The following NELL1 variants were observed in gnomAD, a reference collection of about 807,000 sequenced individuals.
NELL1 encodes neural EGFL like 1.
A neutral mutation model predicts 107.4 loss-of-function variants in NELL1; 76 were observed. The ratio of observed to expected loss-of-function variants is 0.71; its 90% CI spans 0.59 to 0.86. The LOEUF (loss-of-function observed/expected upper bound fraction) is 0.86, where lower values mean the gene tolerates loss of function less well. NELL1 is among the 40% of genes least tolerant of loss of function. NELL1 has a pLI of 0.00. For missense variants in NELL1, 1,024 were observed against 1,005.5 expected (o/e 1.02, Z -0.25); for synonymous variants, 353 against 341.2 (o/e 1.03, Z -0.38).
intron 15 of NELL1, among the ~76,000 whole-genome samples, chr11:21,528,630 T>A (rs530790344): frequency 6.6e-6 from 1 of 150,486 alleles, no homozygotes; most frequent in East Asian, 2.0e-4. Flanking sequence ...TAAATCTTTT[T>A]TCTTCATAAA....
intron 4 of NELL1, among the ~76,000 whole-genome samples, chr11:20,875,179 T>C (rs979477178): frequency 1.3e-5 from 2 of 152,220 alleles, no homozygotes; most frequent in Non-Finnish European, 2.9e-5. Context: ...TATTTTATTT[T>C]ATTTTAATTT....
At chr11:21,062,823 T>TA (rs1853774321) in intron 12 of NELL1, among the ~76,000 whole-genome samples, 1 of 152,024 alleles carries the variant, frequency 6.6e-6, no homozygotes, top group Non-Finnish European at 1.5e-5. Flanking sequence ...TTTGTTTATT[T>TA]ATTTATTTAT....
At chr11:21,463,353 A>G (rs1590951923) in intron 15 of NELL1, among the ~76,000 whole-genome samples, 1 of 152,220 alleles carries the variant, frequency 6.6e-6, no homozygotes, top group East Asian at 1.9e-4. Flanking sequence ...ATATTCGACC[A>G]TATTGAACTA....
intron 15 of NELL1, among the ~76,000 whole-genome samples, chr11:21,526,653 A>G (rs1008738206): frequency 3.9e-5 from 6 of 152,192 alleles, no homozygotes; most frequent in African/African-American, 1.4e-4. Flanking sequence ...CCAAACCTCA[A>G]TTCTTGACTT....
At chr11:20,841,484 G>T (rs1043761235) in intron 3 of NELL1, among the ~76,000 whole-genome samples, 1 of 152,128 alleles carries the variant, frequency 6.6e-6, no homozygotes, top group African/African-American at 2.4e-5. Context: ...CCTCCAGGCT[G>T]ATAAGGAGTC....
chr11:21,374,823 C>G (rs1265988438), intron 15 of NELL1, among the ~76,000 whole-genome samples: 1 of 151,646 alleles, frequency 6.6e-6, no homozygotes. Context: ...GTTTACTTAT[C>G]TGACGTTGAA....
chr11:21,458,523 C>T (rs1258356336), intron 15 of NELL1, among the ~76,000 whole-genome samples: 2 of 152,078 alleles, frequency 1.3e-5, no homozygotes, highest in African/African-American at 2.4e-5. Flanking sequence ...AGAGTAGTCA[C>T]AACCATTGTA....
At chr11:21,227,478 G>A (rs147219707) in intron 13 of NELL1, among the ~76,000 whole-genome samples, 7 of 152,192 alleles carry the variant, frequency 4.6e-5, no homozygotes, top group Non-Finnish European at 1.0e-4. Flanking sequence ...TGTATTCCCA[G>A]TACAGAACAT....
chr11:20,823,883 A>T (rs1857815141), intron 3 of NELL1, among the ~76,000 whole-genome samples: 1 of 151,296 alleles, frequency 6.6e-6, no homozygotes, highest in Admixed American at 6.7e-5. Context: ...ATTGGTTAGG[A>T]TACAGGAGTG....
intron 15 of NELL1, among the ~76,000 whole-genome samples, chr11:21,431,050 AT>A (rs778233044): frequency 2.0e-5 from 3 of 152,110 alleles, no homozygotes; most frequent in Non-Finnish European, 4.4e-5. Flanking sequence ...GTCTAACCTA[AT>A]TTTTTGACAT....
At position 21,280,743 on chromosome 11, in the gene NELL1, T is replaced by C. The variant is rs1006392406; in HGVS notation, c.1549+51289T>C. Among the ~76,000 whole-genome samples the C allele has an allele frequency of 2.0e-4, 31 of 152,202 alleles. 1 individual carries two copies. The highest frequency in any genetic ancestry group is 3.3e-4 in the Admixed American group (5 of 15,280). On this transcript the variant is annotated intron_variant, in intron 14 of 19. Coordinates refer to ENST00000357134, the MANE Select transcript of NELL1 (RefSeq NM_006157.5). ...TAAAATGCTATGGGGCGTTAAATAA[T>C]GTTTATTTAAGTTTAATAAACTTAA...
chr11:20,675,202 C>T (rs1201148243), intron 1 of NELL1, among the ~76,000 whole-genome samples: 3 of 152,088 alleles, frequency 2.0e-5, no homozygotes, highest in African/African-American at 4.8e-5. Context: ...TCCCAATGGC[C>T]AAAACAAGTT....
intron 14 of NELL1, among the ~76,000 whole-genome samples, chr11:21,261,994 C>G (rs539018936): frequency 6.6e-6 from 1 of 151,740 alleles, no homozygotes. Context: ...AGGTTAGTAT[C>G]GTTTATGTTA....
intron 14 of NELL1, among the ~76,000 whole-genome samples, chr11:21,336,668 T>TACACACACAC (rs561195381): frequency 4.5e-3 from 258 of 57,330 alleles, no homozygotes; most frequent in South Asian, 0.025. Flanking sequence ...TATATATATA[T>TACACACACAC]ATATATACAC....
rs142053631 is a variant in NELL1, at chr11:21,285,651, G to A, written c.1549+56197G>A. 4.4e-3 allele frequency among the ~76,000 whole-genome samples: 664 copies of A among 152,188 alleles called. 7 individuals are homozygous for A. The highest frequency in any genetic ancestry group is 0.015 in the African/African-American group (630 of 41,546). On this transcript the variant is annotated intron_variant, in intron 14 of 19. Transcript: ENST00000357134. ...TTCCAGCTGGACTCAAGAGTGTAGA[G>A]GTCAAAACCCCAGTTAACAGGCACT...
chr11:21,149,698 C>G (rs1041714158), intron 13 of NELL1, among the ~76,000 whole-genome samples: 2 of 152,128 alleles, frequency 1.3e-5, no homozygotes, highest in African/African-American at 4.8e-5. Context: ...TTACTGAATA[C>G]GTGCTGTATA....
At chr11:20,854,409 C>G (rs1186770024) in intron 4 of NELL1, among the ~76,000 whole-genome samples, 1 of 152,154 alleles carries the variant, frequency 6.6e-6, no homozygotes, top group Non-Finnish European at 1.5e-5. Context: ...TTCCCCTCCC[C>G]CTTTAGCACC....
At chr11:20,879,897 G>A (rs928747627) in intron 4 of NELL1, among the ~76,000 whole-genome samples, 1 of 152,048 alleles carries the variant, frequency 6.6e-6, no homozygotes, top group African/African-American at 2.4e-5. Context: ...TAAAAATACT[G>A]AAGTTTTAGG....
At chr11:21,177,153 C>T (rs1039556763) in intron 13 of NELL1, among the ~76,000 whole-genome samples, 2 of 151,652 alleles carry the variant, frequency 1.3e-5, no homozygotes, top group African/African-American at 4.9e-5. Flanking sequence ...TAGAAATACA[C>T]ATTATTATGA....
Sources: allele counts gnomAD v4.1 joint callset (sites outside exome capture counted in the v4.1 genomes callset), GRCh38; gene constraint gnomAD v4.1.1; transcripts MANE v1.5; gene names NCBI Gene and HGNC (gene_info 2026-07-23, HGNC 2026-07-21).